The following CCDC3 variants were observed in gnomAD, a reference collection of about 807,000 sequenced individuals.
CCDC3 encodes the protein coiled-coil domain containing 3, also known as coiled-coil domain-containing protein 3.
Under a neutral mutation model 21.4 loss-of-function variants are expected in CCDC3, and 24 were observed. That is an observed-to-expected ratio of 1.12 (90% CI 0.81 to 1.58). CCDC3 has a LOEUF of 1.58. Among genes scored for constraint, CCDC3 ranks in the 40% most tolerant of loss-of-function variants. CCDC3 has a pLI of 0.00. For missense variants in CCDC3, 425 were observed against 360.9 expected, an observed-to-expected ratio of 1.18 and a Z score of -1.44; for synonymous variants, 186 against 166.0, an observed-to-expected ratio of 1.12 and a Z score of -0.93.
At chr10:12,978,011 T>TC (rs564713155) in intron 2 of CCDC3, among the ~76,000 whole-genome samples, 6 of 151,378 alleles carry the variant, frequency 4.0e-5, no homozygotes, top group Non-Finnish European at 8.8e-5. Context: ...AAAGCCATTT[T>TC]CCACACTCTT....
chr10:12,979,566 G>T (rs1444292163), intron 2 of CCDC3, among the ~76,000 whole-genome samples: 1 of 151,882 alleles, frequency 6.6e-6, no homozygotes, highest in Non-Finnish European at 1.5e-5. Context: ...TAGAGACAGG[G>T]TCTTGCTGTT....
intron 3 of CCDC3, among the ~76,000 whole-genome samples, chr10:13,083,160 A>G (rs564269257): frequency 1.3e-5 from 2 of 152,244 alleles, no homozygotes; most frequent in East Asian, 3.9e-4. Context: ...ATTATTCATC[A>G]CCAAGCAGAT....
intron 4 of CCDC3, among the ~76,000 whole-genome samples, chr10:13,065,294 T>G (rs1226518260): frequency 6.6e-6 from 1 of 152,186 alleles, no homozygotes; most frequent in African/African-American, 2.4e-5. Context: ...TGGAAGTAGC[T>G]GGATGAAATA....
chr10:13,078,013 T>C (rs1485544229), intron 3 of CCDC3, among the ~76,000 whole-genome samples: 1 of 152,118 alleles, frequency 6.6e-6, no homozygotes, highest in Non-Finnish European at 1.5e-5. Flanking sequence ...ACAAATGGGA[T>C]CTAATTAAAC....
At chr10:12,923,031 A>AT (rs534460933) in intron 2 of CCDC3, among the ~76,000 whole-genome samples, 36 of 152,306 alleles carry the variant, frequency 2.4e-4, no homozygotes, top group African/African-American at 8.4e-4. Context: ...CACATCACTT[A>AT]TTTTTAAAAG....
chr10:12,987,934 G>A (rs11816881), intron 2 of CCDC3, among the ~76,000 whole-genome samples: 7,077 of 152,256 alleles, frequency 0.046, 570 homozygotes, highest in African/African-American at 0.16. Context: ...GACAGTTCCA[G>A]TGGTTTCCCA....
At chr10:12,916,342 G>C (rs1004083414) in intron 2 of CCDC3, among the ~76,000 whole-genome samples, 1 of 150,066 alleles carries the variant, frequency 6.7e-6, no homozygotes, top group African/African-American at 2.5e-5. Flanking sequence ...TGAGGCAGGA[G>C]AATCTCTTGA....
intron 2 of CCDC3, among the ~76,000 whole-genome samples, chr10:12,988,818 G>C (rs139461766): frequency 2.0e-5 from 3 of 152,190 alleles, no homozygotes; most frequent in African/African-American, 7.2e-5. Flanking sequence ...ACACACTGTA[G>C]GTGTTTAGTA....
intron 5 of CCDC3, among the ~76,000 whole-genome samples, chr10:13,025,251 T>C (rs926970731): frequency 6.6e-6 from 1 of 152,194 alleles, no homozygotes; most frequent in Admixed American, 6.5e-5. Context: ...TCAGTTCTTC[T>C]CCATGTGGTT....
intron 5 of CCDC3, among the ~76,000 whole-genome samples, chr10:13,030,406 A>G (rs889758235): frequency 2.6e-5 from 4 of 152,206 alleles, no homozygotes; most frequent in Non-Finnish European, 4.4e-5. Context: ...TGTAAAGACC[A>G]TCAATGCTAG....
At chr10:12,913,693 C>G (rs537911493) in intron 2 of CCDC3, among the ~76,000 whole-genome samples, 1 of 152,200 alleles carries the variant, frequency 6.6e-6, no homozygotes, top group Admixed American at 6.5e-5. Flanking sequence ...CTATTCACCA[C>G]GGAGTATGAT....
At chr10:12,978,319 A>G (rs1484814361) in intron 2 of CCDC3, among the ~76,000 whole-genome samples, 1 of 152,160 alleles carries the variant, frequency 6.6e-6, no homozygotes, top group Non-Finnish European at 1.5e-5. Context: ...GCACCTGGCC[A>G]TATTTTCCAC....
At chr10:12,993,327 T>A (rs563566989) in intron 2 of CCDC3, among the ~76,000 whole-genome samples, 15 of 152,296 alleles carry the variant, frequency 9.8e-5, no homozygotes, top group Admixed American at 3.9e-4. Context: ...AGTTAGGGGA[T>A]CTGCCCACGG....
At chr10:12,977,519 G>T (rs1347243628) in intron 2 of CCDC3, among the ~76,000 whole-genome samples, 1 of 152,144 alleles carries the variant, frequency 6.6e-6, no homozygotes, top group Non-Finnish European at 1.5e-5. Context: ...AGCATCTAAA[G>T]TCAATTTCCT....
intron 3 of CCDC3, among the ~76,000 whole-genome samples, chr10:13,080,881 T>C (rs1190939869): frequency 6.6e-6 from 1 of 152,150 alleles, no homozygotes; most frequent in African/African-American, 2.4e-5. Flanking sequence ...AAGTCTAGGG[T>C]TGGCCGGGTG....
intron 3 of CCDC3, among the ~76,000 whole-genome samples, chr10:13,084,002 T>A (rs1837073687): frequency 6.6e-6 from 1 of 152,258 alleles, no homozygotes; most frequent in Non-Finnish European, 1.5e-5. Context: ...TGTTTCTGAA[T>A]AAACATTTTA....
intron 2 of CCDC3, among the ~76,000 whole-genome samples, chr10:12,987,165 C>T (rs879334175): frequency 5.0e-4 from 76 of 152,312 alleles, no homozygotes; most frequent in Admixed American, 4.4e-3. Flanking sequence ...TTCATCGTCT[C>T]TCACCTCCAC....
chr10:13,011,185 GA>G lies in CCDC3; in HGVS notation c.-1-12674del, dbSNP rs1201426446. On this transcript the variant is annotated intron_variant, in intron 5 of 6. Coordinates refer to the CCDC3 transcript ENST00000378839. Reference sequence around the variant, plus strand: ...GACAGAGTGAGACTCTGTCTCAGAAGAAAAAAAAAAAAAAACCTGTGACAAA... The same window carrying G: ...GACAGAGTGAGACTCTGTCTCAGAAGAAAAAAAAAAAAAACCTGTGACAAA... 1.4e-3 allele frequency among the ~76,000 whole-genome samples: 199 copies of G among 138,172 alleles called. 7 individuals carry two copies. In the East Asian group the frequency reaches 0.031, roughly 22 times the overall value. The allele number at this position is 138,172 out of a possible 152,430, so 90.6% of individuals were successfully genotyped here. A position where few individuals can be genotyped will look rare whatever the true frequency, so the allele number is the denominator to read the frequency against.
chr10:13,060,171 A>G (rs1836737603), intron 4 of CCDC3, among the ~76,000 whole-genome samples: 1 of 152,074 alleles, frequency 6.6e-6, no homozygotes, highest in Non-Finnish European at 1.5e-5. Context: ...AAACAAAACA[A>G]ACAAATCTCA....
Sources: gnomAD v4.1 joint callset for allele counts (sites outside exome capture counted in the v4.1 genomes callset) on GRCh38, gnomAD v4.1.1 for gene constraint, MANE v1.5 for transcripts, NCBI Gene and HGNC (gene_info 2026-07-23, HGNC 2026-07-21) for gene names.